The following CA8 variants were observed in gnomAD, a reference collection of about 807,000 sequenced individuals.
The protein encoded by CA8 is carbonic anhydrase-related protein.
Under a neutral mutation model 41.4 loss-of-function variants are expected in CA8, and 22 were observed. That is an observed-to-expected ratio of 0.53 (90% CI 0.38 to 0.76). The LOEUF (loss-of-function observed/expected upper bound fraction) is 0.76, where lower values mean the gene tolerates loss of function less well. CA8 is among the 30% of genes least tolerant of loss of function. CA8 has a pLI of 0.00. For synonymous variants in CA8, 121 were observed against 130.6 expected (o/e 0.93, Z 0.50); for missense variants, 270 against 352.8 (o/e 0.77, Z 1.88).
intron 7 of CA8, among the ~76,000 whole-genome samples, chr8:60,215,595 T>A (rs2130444700): frequency 6.6e-6 from 1 of 152,312 alleles, no homozygotes; most frequent in South Asian, 2.1e-4. Context: ...ATGTAATGGT[T>A]AGAGGTAATT....
intron 3 of CA8, among the ~76,000 whole-genome samples, chr8:60,244,533 A>C (rs1489429293): frequency 1.3e-5 from 2 of 152,312 alleles, no homozygotes; most frequent in African/African-American, 2.4e-5. Context: ...CTTTTTAGTA[A>C]TAAGCATGCA....
At chr8:60,224,714 G>C (rs1807366801) in intron 5 of CA8, 129 bp from the exon 6 acceptor site, 3 of 664,358 alleles carry the variant, frequency 4.5e-6, no homozygotes, top group Admixed American at 2.2e-5. Flanking sequence ...CCACAGACTT[G>C]TGGGTATCTC....
intron 6 of CA8, among the ~76,000 whole-genome samples, chr8:60,224,069 GT>G (rs1407455171): frequency 6.6e-6 from 1 of 152,074 alleles, no homozygotes; most frequent in Non-Finnish European, 1.5e-5. Context: ...GTACATGAAG[GT>G]TTTTTCTTTG....
intron 8 of CA8, among the ~76,000 whole-genome samples, chr8:60,200,930 T>C (rs1192850265): frequency 6.6e-6 from 1 of 152,172 alleles, no homozygotes; most frequent in Non-Finnish European, 1.5e-5. Context: ...GTATTTAATC[T>C]TGCCATAACA....
rs571764154 is a variant in CA8, at chr8:60,254,427, G to A, written c.417+11498C>T. Among the ~76,000 whole-genome samples the A allele has an allele frequency of 9.9e-5, 15 of 152,246 alleles. 1 individual carries two copies. The South Asian group carries it at 3.1e-3, about 32-fold the overall frequency. ...CCTGTATGTAGACCCCTTTAATATA[G>A]TCAGTCTCTAGATCAGTTAGAATAG... On this transcript the variant is annotated intron_variant, in intron 3 of 8. Coordinates refer to ENST00000317995, the MANE Select transcript of CA8 (RefSeq NM_004056.6).
chr8:60,279,921 T>G, intron 1 of CA8, 41 bp from the exon 2 acceptor site: 1 of 1,514,980 alleles, frequency 6.6e-7, no homozygotes, highest in East Asian at 2.4e-5. Context: ...GGTTAAAAAA[T>G]AAATTACAGT....
At chr8:60,250,144 T>C (rs1374506690) in intron 3 of CA8, among the ~76,000 whole-genome samples, 1 of 152,194 alleles carries the variant, frequency 6.6e-6, no homozygotes, top group Non-Finnish European at 1.5e-5. Context: ...AAAGAACAGA[T>C]ACTGTGTGTT....
At chr8:60,230,535 C>T (rs370873149) in intron 4 of CA8, among the ~76,000 whole-genome samples, 5 of 152,152 alleles carry the variant, frequency 3.3e-5, no homozygotes, top group African/African-American at 9.6e-5. Context: ...TTCTCTCATC[C>T]AGCCTGAGGA....
At chr8:60,230,277 C>T (rs1469059806) in intron 4 of CA8, among the ~76,000 whole-genome samples, 1 of 152,210 alleles carries the variant, frequency 6.6e-6, no homozygotes, top group Non-Finnish European at 1.5e-5. Context: ...AGCTCTCCAT[C>T]CCATGCCCTC....
In CA8 at chr8:60,187,951, A is replaced by G. The variant is rs1288816579; in HGVS notation, c.*2070T>C. 1 of 152,138 alleles carries G rather than the reference A, an allele frequency of 6.6e-6. No homozygotes were observed. The highest frequency in any genetic ancestry group is 6.6e-5 in the Admixed American group (1 of 15,262). The allele number at this position is 152,138 out of a possible 1,614,324, so 9.4% of individuals were successfully genotyped here. A position where few individuals can be genotyped will look rare whatever the true frequency, so the allele number is the denominator to read the frequency against. The stretch of plus-strand genomic sequence containing the variant: ...TTGTGCTTTCGTTTACTGACAAACT[A>G]CCTTTCAAATTCATTCCTACAAAAG... On this transcript the variant is annotated 3_prime_UTR_variant, in exon 9 of 9. Coordinates refer to ENST00000317995, the MANE Select transcript of CA8 (RefSeq NM_004056.6).
At chr8:60,276,888 G>A (rs1313699712) in intron 2 of CA8, among the ~76,000 whole-genome samples, 1 of 152,160 alleles carries the variant, frequency 6.6e-6, no homozygotes, top group African/African-American at 2.4e-5. Context: ...GGAGGCCGAG[G>A]TGGGCGGATC....
chr8:60,274,159 T>TTA (rs1804155148), intron 2 of CA8, among the ~76,000 whole-genome samples: 1 of 151,138 alleles, frequency 6.6e-6, no homozygotes, highest in Non-Finnish European at 1.5e-5. Flanking sequence ...TGTGTGGATT[T>TTA]TTTTTTTAAT....
intron 8 of CA8, among the ~76,000 whole-genome samples, chr8:60,203,913 G>A (rs1396921024): frequency 6.6e-6 from 1 of 152,126 alleles, no homozygotes; most frequent in Non-Finnish European, 1.5e-5. Context: ...AGAGACACAG[G>A]AAAGCATATT....
chr8:60,216,068 T>C (rs1807010909), intron 7 of CA8, among the ~76,000 whole-genome samples: 1 of 152,224 alleles, frequency 6.6e-6, no homozygotes, highest in Non-Finnish European at 1.5e-5. Flanking sequence ...TGCCATTCAT[T>C]GTTCCTTTTG....
At chr8:60,278,982 C>A (rs77683243) in intron 2 of CA8, among the ~76,000 whole-genome samples, 3 of 152,202 alleles carry the variant, frequency 2.0e-5, no homozygotes, top group Non-Finnish European at 4.4e-5. Flanking sequence ...TTTTAAAAAT[C>A]TGATTTCCTC....
intron 3 of CA8, among the ~76,000 whole-genome samples, chr8:60,247,120 T>G (rs189777451): frequency 6.6e-6 from 1 of 152,116 alleles, no homozygotes; most frequent in Admixed American, 6.5e-5. Flanking sequence ...CCTGACCTCA[T>G]GATCCGCCCA....
intron 2 of CA8, among the ~76,000 whole-genome samples, chr8:60,278,351 T>C (rs1804305871): frequency 6.6e-6 from 1 of 152,208 alleles, no homozygotes; most frequent in Non-Finnish European, 1.5e-5. Context: ...TCTTATAAAT[T>C]TATATGCAAC....
rs1440809077 is a variant in CA8 at position 60,187,292 on chromosome 8, A to ATGGCAT, written c.*2723_*2728dup. The ATGGCAT allele has an allele frequency of 6.6e-6, 1 of 152,146 alleles. No homozygotes were observed. Among genetic ancestry groups the ATGGCAT allele is most frequent in the African/African-American group, 2.4e-5 (1 of 41,468 alleles). The allele number at this position is 152,146 out of a possible 1,614,324, so 9.4% of individuals were successfully genotyped here. A position where few individuals can be genotyped will look rare whatever the true frequency, so the allele number is the denominator to read the frequency against. Reference sequence around the variant, plus strand: ...CCTTGAGATGAATGAAAACAAAAACATGGCATACCAAAACTTATTGGATGC... The same window carrying ATGGCAT: ...CCTTGAGATGAATGAAAACAAAAACATGGCATTGGCATACCAAAACTTATTGGATGC... On this transcript the variant is annotated 3_prime_UTR_variant, in exon 9 of 9. Coordinates refer to ENST00000317995, the MANE Select transcript of CA8 (RefSeq NM_004056.6).
intron 3 of CA8, among the ~76,000 whole-genome samples, chr8:60,238,109 T>C (rs894008701): frequency 1.3e-3 from 204 of 152,170 alleles, no homozygotes; most frequent in African/African-American, 4.6e-3. Flanking sequence ...GTTCAAAACG[T>C]TCATCTTAAT....
Sources: allele counts gnomAD v4.1 joint callset (sites outside exome capture counted in the v4.1 genomes callset), GRCh38; gene constraint gnomAD v4.1.1; transcripts MANE v1.5; gene names NCBI Gene and HGNC (gene_info 2026-07-23, HGNC 2026-07-21).